ART3: variants seen among roughly 807,000 people sequenced by gnomAD.
The protein encoded by ART3 is ADP-ribosyltransferase 3 (inactive).
Under a neutral mutation model 48.5 loss-of-function variants are expected in ART3, and 49 were observed. The ratio of observed to expected loss-of-function variants is 1.01; its 90% CI spans 0.80 to 1.28. The LOEUF (loss-of-function observed/expected upper bound fraction) is 1.28. Among genes scored for constraint, ART3 ranks in the 50% most tolerant of loss-of-function variants. ART3 has a pLI of 0.00. For missense variants in ART3, 438 were observed against 454.3 expected (o/e 0.96, Z 0.33); for synonymous variants, 145 against 157.2 (o/e 0.92, Z 0.58).
At chr4:76,029,341 A>T (rs59086574) in intron 1 of ART3, among the ~76,000 whole-genome samples, 2,075 of 152,336 alleles carry the variant, frequency 0.014, 40 homozygotes, top group African/African-American at 0.046. Context: ...TTTCCAATTT[A>T]GTAGCAGTTT....
rs542718170 is a variant in ART3 at position 76,100,616 on chromosome 4, C to T, written c.878-179C>T. 2.9e-4 allele frequency among the ~76,000 whole-genome samples: 38 copies of T among 129,256 alleles called. No individual in the cohort carries two copies. In the South Asian group the frequency reaches 8.3e-3, roughly 28 times the overall value. 84.8% of individuals were successfully genotyped at this position (129,256 alleles called of 152,430 possible). On this transcript the variant is annotated intron_variant, in intron 6 of 11. Coordinates refer to ENST00000355810, the MANE Select transcript of ART3 (RefSeq NM_001130016.3). ...ACAGCACTGTAGCCTGGAAACAGAG[C>T]GAGGCTCCGTCTCAAAAAAAAAAAA... is the stretch of plus-strand genomic sequence containing the variant.
chr4:76,104,827 C>T (rs947561882), intron 10 of ART3, among the ~76,000 whole-genome samples, 198 bp downstream of exon 10: 1 of 152,188 alleles, frequency 6.6e-6, no homozygotes, highest in Non-Finnish European at 1.5e-5. Flanking sequence ...CTGTCCAATG[C>T]ATAAATCCCT....
intron 10 of ART3, chr4:76,106,324 G>A: frequency 1.0e-6 from 1 of 985,392 alleles, no homozygotes; most frequent in Non-Finnish European, 1.2e-6. Context: ...CACACACTTG[G>A]TAGTACAGAT....
At chr4:76,086,082 C>G (rs1253244841) in intron 3 of ART3, among the ~76,000 whole-genome samples, 2 of 148,308 alleles carry the variant, frequency 1.3e-5, no homozygotes, top group African/African-American at 4.9e-5. Flanking sequence ...TCCCTCCCCG[C>G]AGAAAAACAG....
chr4:76,099,777 T>C lies in ART3; in HGVS notation c.848-514T>C, dbSNP rs1578574385. Among the ~76,000 whole-genome samples, 4 of 152,390 alleles carry C rather than the reference T, an allele frequency of 2.6e-5. 1 individual carries two copies. The highest frequency in any genetic ancestry group is 2.6e-4 in the Admixed American group (4 of 15,308). The stretch of plus-strand genomic sequence containing the variant: ...ATGGCCCAAATCATTTCTTTGCACA[T>C]AAGTTCCTTATCATGTGTTTGGCTC... On this transcript the variant is annotated intron_variant, in intron 5 of 11. Coordinates refer to ENST00000355810, the MANE Select transcript of ART3 (RefSeq NM_001130016.3).
chr4:76,023,972 T>C (rs1733132233), intron 1 of ART3, among the ~76,000 whole-genome samples: 2 of 152,190 alleles, frequency 1.3e-5, no homozygotes, highest in African/African-American at 4.8e-5. Flanking sequence ...CTTGATCAAA[T>C]ACTATAAAGT....
intron 1 of ART3, among the ~76,000 whole-genome samples, chr4:76,051,347 A>G (rs1272543275): frequency 6.6e-6 from 1 of 152,090 alleles, no homozygotes; most frequent in African/African-American, 2.4e-5. Context: ...AGTTTCTTAT[A>G]ATATTATTAA....
chr4:76,066,196 A>G (rs1244921111), intron 1 of ART3, among the ~76,000 whole-genome samples: 3 of 152,274 alleles, frequency 2.0e-5, no homozygotes, highest in Admixed American at 2.0e-4. Context: ...CTTGTGTTAT[A>G]GGATCTTTGG....
chr4:76,106,429 C>T (rs1212271312), intron 10 of ART3: 23 of 930,106 alleles, frequency 2.5e-5, no homozygotes, highest in Non-Finnish European at 2.6e-5. Flanking sequence ...ACTTGAGAGG[C>T]GCCTTCTGGC....
intron 8 of ART3, among the ~76,000 whole-genome samples, chr4:76,102,985 A>T (rs1172076003): frequency 6.6e-6 from 1 of 152,104 alleles, no homozygotes; most frequent in African/African-American, 2.4e-5. Context: ...AGTGGGTTAA[A>T]TCTCTTCTTT....
intron 3 of ART3, among the ~76,000 whole-genome samples, chr4:76,087,262 T>C (rs1723800407): frequency 6.6e-6 from 1 of 152,088 alleles, no homozygotes; most frequent in African/African-American, 2.4e-5. Context: ...CGTGGAGAAG[T>C]GCGGGTCATT....
At chr4:76,021,286 C>G (rs1301909762) in intron 1 of ART3, 2 of 152,104 alleles carry the variant, frequency 1.3e-5, no homozygotes, top group East Asian at 3.8e-4. Flanking sequence ...TCCTGTTACT[C>G]ATTGATACAT....
chr4:76,049,429 G>A (rs1735821136), intron 1 of ART3, among the ~76,000 whole-genome samples: 1 of 151,766 alleles, frequency 6.6e-6, no homozygotes, highest in Non-Finnish European at 1.5e-5. Flanking sequence ...CGGGACCTTG[G>A]AGCTGCATGG....
At position 76,082,412 on chromosome 4, in the gene ART3, G is replaced by A. The variant is rs1438489782; in HGVS notation, c.658G>A (p.Glu220Lys). 1 of 1,614,042 alleles carries A rather than the reference G, an allele frequency of 6.2e-7. No homozygotes were observed. The highest frequency in any genetic ancestry group is 8.5e-7 in the Non-Finnish European group (1 of 1,180,022). Residue 220 changes from glutamate (E) to lysine (K), a missense_variant, in exon 3 of 12, where the codon GAA (glutamate) becomes AAA (lysine). This residue lies in a region of ART3 where 227 missense variants were observed against 229.6 expected (regional missense o/e 0.99). Transcript: ENST00000355810. Reference sequence around the variant, plus strand: ...TGAAAATTTTCTTGATAAAGAAAGTGAAAGAATTACTTTAATACCTCTGAA... The same window carrying A: ...TGAAAATTTTCTTGATAAAGAAAGTAAAAGAATTACTTTAATACCTCTGAA... ...DIENFLDKES[E>K]RITLIPLNEV... is the part of the protein sequence containing the mutation.
At chr4:76,104,267 C>A in intron 9 of ART3, 2 of 831,378 alleles carry the variant, frequency 2.4e-6, no homozygotes, top group Non-Finnish European at 1.4e-6. Flanking sequence ...GGTTCTACAG[C>A]TAAAGTTATT....
At chr4:76,027,790 T>C (rs2149387997) in intron 1 of ART3, among the ~76,000 whole-genome samples, 1 of 140,658 alleles carries the variant, frequency 7.1e-6, no homozygotes, top group Admixed American at 7.4e-5. Context: ...GGTAGACTCA[T>C]AGGGGTGATA....
Position 76,035,764 on chromosome 4 carries a change from T to C in ART3, c.-10+24444T>C, listed in dbSNP as rs146891844. 2.2e-3 allele frequency among the ~76,000 whole-genome samples: 330 copies of C among 152,382 alleles called. 1 individual carries two copies. Among genetic ancestry groups the C allele is most frequent in the Non-Finnish European group, 4.1e-3 (279 of 68,034 alleles). On this transcript the variant is annotated intron_variant, in intron 1 of 9. Coordinates refer to the ART3 transcript ENST00000341029. ...TTCTAGTTTCAATAATCATCTCTAG[T>C]ATCTTAAACATGTCCACCATTTCTG...
chr4:76,047,429 G>T (rs1735613759), intron 1 of ART3, among the ~76,000 whole-genome samples: 1 of 151,952 alleles, frequency 6.6e-6, no homozygotes, highest in Non-Finnish European at 1.5e-5. Context: ...ATCTGCGGCT[G>T]ATTGGGTAAT....
At chr4:76,101,149 G>T in intron 8 of ART3, 130 bp downstream of exon 8, 1 of 1,087,262 alleles carries the variant, frequency 9.2e-7, no homozygotes, top group Non-Finnish European at 1.3e-6. Context: ...TTACTGGTTT[G>T]GTATATTAGA....
Sources: allele counts gnomAD v4.1 joint callset (sites outside exome capture counted in the v4.1 genomes callset), GRCh38; gene constraint gnomAD v4.1.1; regional missense constraint gnomAD v4.1.1; transcripts MANE v1.5; gene names NCBI Gene and HGNC (gene_info 2026-07-23, HGNC 2026-07-21).